Variants in IGF2BP3 observed in about 807,000 individuals in gnomAD.
The protein encoded by IGF2BP3 is insulin-like growth factor 2 mRNA-binding protein 3.
Under a neutral mutation model 73.8 loss-of-function variants are expected in IGF2BP3, and 9 were observed. The ratio of observed to expected loss-of-function variants is 0.12; its 90% CI spans 0.07 to 0.21. The LOEUF is 0.21. IGF2BP3 is among the 10% of genes least tolerant of loss of function. IGF2BP3 has a pLI of 1.00. For missense variants in IGF2BP3, 542 were observed against 714.0 expected, an observed-to-expected ratio of 0.76 and a Z score of 2.75; for synonymous variants, 258 against 256.7, an observed-to-expected ratio of 1.01 and a Z score of -0.05.
chr7:23,438,438 AAAG>A (rs1287311110), intron 2 of IGF2BP3, among the ~76,000 whole-genome samples: 4 of 152,200 alleles, frequency 2.6e-5, no homozygotes, highest in Admixed American at 6.5e-5. Flanking sequence ...CAAATTTTAT[AAAG>A]AAGACTCAAG....
Position 23,313,492 on chromosome 7 carries a change from C to T in IGF2BP3, c.1527+30G>A, listed in dbSNP as rs1213416823. ...ACCTTTCAACGCTTTCCCTTTCATA[C>T]CACTGCACAGGTTTTGCTGAAGTAC... On this transcript the variant is annotated intron_variant, in intron 13 of 14. Transcript: ENST00000258729. The T allele has an allele frequency of 1.9e-6, 3 of 1,610,630 alleles. No individual in the cohort carries two copies. In the Admixed American group the frequency reaches 5.0e-5, roughly 27 times the overall value.
At chr7:23,325,023 G>A (rs930928013) in intron 10 of IGF2BP3, among the ~76,000 whole-genome samples, 6 of 151,814 alleles carry the variant, frequency 4.0e-5, no homozygotes, top group Admixed American at 2.0e-4. Context: ...AGACAGGGAT[G>A]ACCTCTCTCA....
chr7:23,457,852 T>G (rs1286153108), intron 2 of IGF2BP3, among the ~76,000 whole-genome samples: 1 of 152,190 alleles, frequency 6.6e-6, no homozygotes, highest in Non-Finnish European at 1.5e-5. Context: ...TATGTAAAAA[T>G]TATCAACCTG....
At chr7:23,439,522 A>T (rs1787881442) in intron 2 of IGF2BP3, among the ~76,000 whole-genome samples, 1 of 140,978 alleles carries the variant, frequency 7.1e-6, no homozygotes, top group Admixed American at 7.7e-5. Flanking sequence ...GTGCCACTGC[A>T]CTCCAGCCTG....
At chr7:23,370,808 G>A (rs1785519669) in intron 3 of IGF2BP3, among the ~76,000 whole-genome samples, 2 of 151,942 alleles carry the variant, frequency 1.3e-5, no homozygotes, top group African/African-American at 4.8e-5. Flanking sequence ...CTCCCGAGAA[G>A]CTGGGATTAC....
intron 2 of IGF2BP3, among the ~76,000 whole-genome samples, chr7:23,425,503 T>A (rs1787482974): frequency 6.6e-6 from 1 of 152,130 alleles, no homozygotes; most frequent in Admixed American, 6.5e-5. Context: ...ATCACAGCCT[T>A]CTGAGTAGCT....
At chr7:23,441,221 C>T (rs1227337979) in intron 2 of IGF2BP3, among the ~76,000 whole-genome samples, 2 of 152,026 alleles carry the variant, frequency 1.3e-5, no homozygotes, top group Admixed American at 1.3e-4. Flanking sequence ...CGCTTGAGGC[C>T]AGGAGTTCAA....
chr7:23,461,817 G>A (rs950169824), intron 2 of IGF2BP3, among the ~76,000 whole-genome samples: 11 of 152,050 alleles, frequency 7.2e-5, no homozygotes, highest in African/African-American at 1.2e-4. Flanking sequence ...TTCCTCTCTC[G>A]GTACATGCAT....
At chr7:23,384,476 A>G (rs1341987719) in intron 3 of IGF2BP3, among the ~76,000 whole-genome samples, 1 of 152,202 alleles carries the variant, frequency 6.6e-6, no homozygotes, top group African/African-American at 2.4e-5. Flanking sequence ...GCAGTTTAAC[A>G]AAGTCCTATT....
chr7:23,441,868 T>G (rs1787944584), intron 2 of IGF2BP3, among the ~76,000 whole-genome samples: 1 of 152,340 alleles, frequency 6.6e-6, no homozygotes, highest in African/African-American at 2.4e-5. Flanking sequence ...CTCATGCCTT[T>G]AATCCCAGCA....
intron 3 of IGF2BP3, among the ~76,000 whole-genome samples, chr7:23,401,097 C>A (rs1333107712): frequency 6.6e-6 from 1 of 152,142 alleles, no homozygotes; most frequent in Non-Finnish European, 1.5e-5. Context: ...ACGCCCAGCC[C>A]AAAACCCTAA....
rs375330164 is a variant in IGF2BP3 at position 23,339,420 on chromosome 7, T to C, written c.1203+2644A>G. Among the ~76,000 whole-genome samples, 6 of 152,326 alleles carry C rather than the reference T, an allele frequency of 3.9e-5. No homozygotes were observed. The East Asian group carries it at 5.8e-4, about 15-fold the overall frequency. ...AACATAGGAACCTGATACACAGAAC[T>C]ATACCATAAGTCAGAAAAATGACTA... On this transcript the variant is annotated intron_variant, in intron 10 of 14. Coordinates refer to ENST00000258729, the MANE Select transcript of IGF2BP3 (RefSeq NM_006547.3).
Position 23,320,699 on chromosome 7 carries a change from G to A in IGF2BP3, c.1204-1445C>T, listed in dbSNP as rs1287983046. Among the ~76,000 whole-genome samples the A allele has an allele frequency of 2.1e-5, 3 of 145,692 alleles. No homozygotes were observed. In the East Asian group the frequency reaches 6.2e-4, roughly 30 times the overall value. On this transcript the variant is annotated intron_variant, in intron 10 of 14. Coordinates refer to ENST00000258729, the MANE Select transcript of IGF2BP3 (RefSeq NM_006547.3). ...ACAGTAGTTCATGCCTGTAATCCCA[G>A]CACTTTGGGAGGCCAAGGTGGGTGG...
intron 3 of IGF2BP3, among the ~76,000 whole-genome samples, chr7:23,417,507 G>C (rs1184454287): frequency 6.6e-6 from 1 of 152,132 alleles, no homozygotes; most frequent in East Asian, 1.9e-4. Flanking sequence ...GATTATGAAT[G>C]AATTAAAAGG....
intron 3 of IGF2BP3, among the ~76,000 whole-genome samples, chr7:23,410,239 C>A (rs2128530641): frequency 6.6e-6 from 1 of 151,998 alleles, no homozygotes; most frequent in Non-Finnish European, 1.5e-5. Context: ...CACCTGTAGT[C>A]CCAGCTACTG....
In IGF2BP3 at chr7:23,422,442, A is replaced by G. The variant is rs1422134052; in HGVS notation, c.237-3618T>C. On this transcript the variant is annotated intron_variant, in intron 2 of 14. Coordinates refer to ENST00000258729, the MANE Select transcript of IGF2BP3 (RefSeq NM_006547.3). ...TGGTGGCACACGCCCGTAGTCCTAG[A>G]TACTCAGGATGCTGAGGTGGGAGAA... 2.6e-5 allele frequency among the ~76,000 whole-genome samples: 4 copies of G among 152,076 alleles called. No individual in the cohort carries two copies. The East Asian group carries it at 7.7e-4, about 29-fold the overall frequency.
At chr7:23,439,832 G>T (rs1787891213) in intron 2 of IGF2BP3, among the ~76,000 whole-genome samples, 1 of 152,090 alleles carries the variant, frequency 6.6e-6, no homozygotes, top group Non-Finnish European at 1.5e-5. Flanking sequence ...GAAACAAATG[G>T]CTCTCACCTT....
At chr7:23,353,832 T>G (rs942610488) in intron 5 of IGF2BP3, among the ~76,000 whole-genome samples, 1 of 152,192 alleles carries the variant, frequency 6.6e-6, no homozygotes, top group African/African-American at 2.4e-5. Flanking sequence ...TCCTGTCCCC[T>G]TTTTTTCTTA....
At chr7:23,444,531 A>C (rs1788011192) in intron 2 of IGF2BP3, among the ~76,000 whole-genome samples, 1 of 152,052 alleles carries the variant, frequency 6.6e-6, no homozygotes, top group Non-Finnish European at 1.5e-5. Context: ...ACTTGAGGCC[A>C]GGAGTTCAAG....
Sources: allele counts gnomAD v4.1 joint callset (sites outside exome capture counted in the v4.1 genomes callset), GRCh38; gene constraint gnomAD v4.1.1; transcripts MANE v1.5; gene names NCBI Gene and HGNC (gene_info 2026-07-23, HGNC 2026-07-21).